CCSER1: variants seen among roughly 807,000 people sequenced by gnomAD.
CCSER1 encodes the protein serine-rich coiled-coil domain-containing protein 1.
Under a neutral mutation model 82.0 loss-of-function variants are expected in CCSER1, and 41 were observed. The observed-to-expected ratio is 0.50, with a 90% CI of 0.39 to 0.65. CCSER1 has a LOEUF of 0.65. CCSER1 is among the 30% of genes least tolerant of loss of function. The probability of loss-of-function intolerance (pLI) is 0.00; values close to 1 mark genes in which losing one functional copy is unlikely to be tolerated. For synonymous variants in CCSER1, 414 were observed against 383.9 expected (o/e 1.08, Z -0.92); for missense variants, 1,119 against 1,064.2 (o/e 1.05, Z -0.72).
At chr4:90,239,442 A>T (rs1490507777) in intron 1 of CCSER1, among the ~76,000 whole-genome samples, 3 of 152,188 alleles carry the variant, frequency 2.0e-5, no homozygotes, top group Non-Finnish European at 4.4e-5. Flanking sequence ...TATTCAAAAT[A>T]ACTCATTTAC....
chr4:90,251,811 C>T (rs1722431569), intron 1 of CCSER1, among the ~76,000 whole-genome samples: 1 of 151,516 alleles, frequency 6.6e-6, no homozygotes, highest in African/African-American at 2.4e-5. Context: ...CCTTTTAATT[C>T]TTTTATTTCT....
chr4:90,617,178 G>A (rs549497131), intron 5 of CCSER1, among the ~76,000 whole-genome samples: 7 of 152,172 alleles, frequency 4.6e-5, no homozygotes, highest in South Asian at 4.2e-4. Flanking sequence ...AACGTAGTAC[G>A]ATTATTTGGT....
Position 91,505,589 on chromosome 4 carries a change from C to T in CCSER1, c.2218-92983C>T, listed in dbSNP as rs542291843. 5.3e-5 allele frequency among the ~76,000 whole-genome samples: 8 copies of T among 152,220 alleles called. No homozygotes were observed. The South Asian group carries it at 1.7e-3, about 32-fold the overall frequency. On this transcript the variant is annotated intron_variant, in intron 10 of 10. Transcript: ENST00000509176. ...GTGTAAAAACATTCCTATTTCTCCA[C>T]AGCCTTGCCAACATTTGTTGTTTCA... is the stretch of plus-strand genomic sequence containing the variant.
At chr4:91,000,460 A>G (rs1189201731) in intron 9 of CCSER1, among the ~76,000 whole-genome samples, 1 of 152,074 alleles carries the variant, frequency 6.6e-6, no homozygotes, top group Non-Finnish European at 1.5e-5. Context: ...ATTCTATGAA[A>G]AATGACATTG....
intron 10 of CCSER1, among the ~76,000 whole-genome samples, chr4:91,096,363 C>G (rs904150620): frequency 1.3e-4 from 20 of 152,292 alleles, no homozygotes; most frequent in African/African-American, 4.8e-4. Flanking sequence ...TCTTCAGGCT[C>G]TGAATCAGAC....
At chr4:90,256,450 T>C (rs940909417) in intron 1 of CCSER1, among the ~76,000 whole-genome samples, 5 of 152,168 alleles carry the variant, frequency 3.3e-5, no homozygotes, top group Admixed American at 1.3e-4. Flanking sequence ...TGCTTTTGGC[T>C]ACACAGTTTT....
At chr4:91,377,198 C>T (rs13113438) in intron 10 of CCSER1, among the ~76,000 whole-genome samples, 3,195 of 152,086 alleles carry the variant, frequency 0.021, 81 homozygotes, top group African/African-American at 0.068. Flanking sequence ...TGAATAGTGC[C>T]GCAATAAACA....
At chr4:90,720,935 C>T (rs1190687771) in intron 6 of CCSER1, among the ~76,000 whole-genome samples, 5 of 151,756 alleles carry the variant, frequency 3.3e-5, no homozygotes, top group African/African-American at 9.7e-5. Flanking sequence ...GGAATGAAAT[C>T]GCTTGTCAAT....
intron 10 of CCSER1, among the ~76,000 whole-genome samples, chr4:91,105,426 C>T (rs1725515429): frequency 2.0e-5 from 3 of 151,766 alleles, no homozygotes; most frequent in Non-Finnish European, 2.9e-5. Flanking sequence ...AAAAAATAGG[C>T]CAGGCACAGT....
rs1737303019 is a variant in CCSER1 at position 91,217,058 on chromosome 4, T to A, written c.2217+131064T>A. ...CGTCGCGAGTCTGTCCCTTCTGATG[T>A]TCAGATGTGTTCGTAGTTTCTTCCT... On this transcript the variant is annotated intron_variant, in intron 10 of 10. Transcript: ENST00000509176. Among the ~76,000 whole-genome samples, 4 of 152,132 alleles carry A rather than the reference T, an allele frequency of 2.6e-5. No individual in the cohort carries two copies. In the South Asian group the frequency reaches 8.3e-4, roughly 32 times the overall value.
chr4:90,917,526 G>A (rs957309540), intron 8 of CCSER1, among the ~76,000 whole-genome samples: 2 of 152,160 alleles, frequency 1.3e-5, no homozygotes, highest in African/African-American at 4.8e-5. Context: ...GTAGAAGGAG[G>A]GGGGAGGGAT....
At chr4:90,813,473 A>C (rs1266814125) in intron 7 of CCSER1, among the ~76,000 whole-genome samples, 2 of 152,142 alleles carry the variant, frequency 1.3e-5, no homozygotes, top group African/African-American at 4.8e-5. Flanking sequence ...TCCCCACCCA[A>C]ATCTCAACTT....
intron 3 of CCSER1, among the ~76,000 whole-genome samples, chr4:90,347,493 A>G (rs976176754): frequency 2.6e-5 from 4 of 152,232 alleles, no homozygotes; most frequent in African/African-American, 9.6e-5. Context: ...ATGAAATGGA[A>G]AATTCCAGAA....
chr4:91,377,431 T>C (rs1276528159), intron 10 of CCSER1, among the ~76,000 whole-genome samples: 1 of 152,222 alleles, frequency 6.6e-6, no homozygotes, highest in Non-Finnish European at 1.5e-5. Flanking sequence ...GACTTTTTAA[T>C]GATCACCATT....
At chr4:91,046,068 G>T (rs1742453583) in intron 9 of CCSER1, among the ~76,000 whole-genome samples, 2 of 152,022 alleles carry the variant, frequency 1.3e-5, no homozygotes, top group Non-Finnish European at 2.9e-5. Flanking sequence ...GCAGGAACCG[G>T]CCATTTTCAC....
intron 5 of CCSER1, among the ~76,000 whole-genome samples, chr4:90,510,253 C>A (rs781306591): frequency 6.6e-6 from 1 of 152,098 alleles, no homozygotes; most frequent in Non-Finnish European, 1.5e-5. Flanking sequence ...TTTTAACCTT[C>A]GCTGAAATGA....
chr4:90,780,813 T>G (rs1753667601), intron 7 of CCSER1: 2 of 1,076,496 alleles, frequency 1.9e-6, no homozygotes, highest in Admixed American at 4.9e-5. Context: ...CGTGATCTTT[T>G]AGAGACCATA....
intron 10 of CCSER1, among the ~76,000 whole-genome samples, chr4:91,428,476 A>T (rs757813466): frequency 1.3e-5 from 2 of 152,022 alleles, no homozygotes; most frequent in Non-Finnish European, 2.9e-5. Context: ...TCAATTACTA[A>T]TTAGAATGTT....
chr4:90,245,734 A>G (rs1229100302), intron 1 of CCSER1, among the ~76,000 whole-genome samples: 1 of 152,096 alleles, frequency 6.6e-6, no homozygotes, highest in East Asian at 1.9e-4. Flanking sequence ...AACTTCATAT[A>G]CTCTCTCCTT....
Sources: gnomAD v4.1 joint callset for allele counts (sites outside exome capture counted in the v4.1 genomes callset) on GRCh38, gnomAD v4.1.1 for gene constraint, MANE v1.5 for transcripts, NCBI Gene and HGNC (gene_info 2026-07-23, HGNC 2026-07-21) for gene names.